Variants in RBMS3 observed in about 807,000 individuals in gnomAD.
RBMS3 encodes the protein RNA-binding motif, single-stranded-interacting protein 3.
RBMS3 carries 27 observed loss-of-function variants against 66.8 expected under a neutral mutation model. The ratio of observed to expected loss-of-function variants is 0.40; its 90% CI spans 0.30 to 0.56. The LOEUF is 0.56. RBMS3 is among the 20% of genes least tolerant of loss of function. RBMS3 has a pLI of 0.40. For synonymous variants in RBMS3, 188 were observed against 183.0 expected, an observed-to-expected ratio of 1.03 and a Z score of -0.22; for missense variants, 513 against 549.5, an observed-to-expected ratio of 0.93 and a Z score of 0.66.
intron 1 of RBMS3, among the ~76,000 whole-genome samples, chr3:29,362,613 C>G (rs144938955): frequency 0.01 from 1,524 of 152,260 alleles, 29 homozygotes; most frequent in African/African-American, 0.034. Context: ...TTCTGCGTCA[C>G]TCACACTGGG....
intron 4 of RBMS3, among the ~76,000 whole-genome samples, chr3:29,595,363 C>T (rs149685027): frequency 0.014 from 1,985 of 146,424 alleles, 33 homozygotes; most frequent in African/African-American, 0.04. Context: ...CGCACCATTG[C>T]ACTCCAGCCT....
Position 29,980,398 on chromosome 3 carries a change from T to A in RBMS3, c.1099-7745T>A, listed in dbSNP as rs1697906172. On this transcript the variant is annotated intron_variant, in intron 12 of 14. Coordinates refer to ENST00000383767, the MANE Select transcript of RBMS3 (RefSeq NM_001003793.3). Reference sequence around the variant, plus strand: ...TCTGTAGGTCGCGTGTTCACTCTGATGATAGTTTCTTTTGCTGTGCAGAAA... The same window carrying A: ...TCTGTAGGTCGCGTGTTCACTCTGAAGATAGTTTCTTTTGCTGTGCAGAAA... Among the ~76,000 whole-genome samples, 4 of 152,242 alleles carry A rather than the reference T, an allele frequency of 2.6e-5. No individual in the cohort carries two copies. The South Asian group carries it at 8.3e-4, about 31-fold the overall frequency.
chr3:29,336,029 A>G (rs775420452), intron 1 of RBMS3, among the ~76,000 whole-genome samples: 7 of 152,160 alleles, frequency 4.6e-5, no homozygotes, highest in African/African-American at 1.7e-4. Context: ...GTTTTTCTTA[A>G]CAAAGGAAAA....
intron 2 of RBMS3, among the ~76,000 whole-genome samples, chr3:29,449,355 C>T (rs765510028): frequency 2.0e-5 from 3 of 152,142 alleles, no homozygotes; most frequent in South Asian, 2.1e-4. Flanking sequence ...GCAAGAAAAT[C>T]TACTCAGACA....
chr3:29,542,519 C>T (rs899176410), intron 3 of RBMS3, among the ~76,000 whole-genome samples: 3 of 152,160 alleles, frequency 2.0e-5, no homozygotes, highest in Admixed American at 2.0e-4. Context: ...TGCCGTCACA[C>T]CTGGCTACTT....
chr3:29,376,949 C>T (rs886116293), intron 1 of RBMS3, among the ~76,000 whole-genome samples: 2 of 151,878 alleles, frequency 1.3e-5, no homozygotes, highest in Admixed American at 1.3e-4. Flanking sequence ...ATTAGCCGGA[C>T]GTGGTGGCGG....
Position 29,900,104 on chromosome 3 carries a change from G to C in RBMS3, c.939+349G>C, listed in dbSNP as rs1230387451. On this transcript the variant is annotated intron_variant, in intron 10 of 14. Transcript: ENST00000383767. Reference sequence around the variant, plus strand: ...AATTTCTGCTTTATGCAGGAACTCAGAACTCCGGACAATTAAATTTATTCT... The same window carrying C: ...AATTTCTGCTTTATGCAGGAACTCACAACTCCGGACAATTAAATTTATTCT... Among the ~76,000 whole-genome samples, 3 of 151,706 alleles carry C rather than the reference G, an allele frequency of 2.0e-5. No homozygotes were observed. The East Asian group carries it at 5.8e-4, about 30-fold the overall frequency.
At chr3:29,355,111 C>T (rs937782004) in intron 1 of RBMS3, among the ~76,000 whole-genome samples, 13 of 152,070 alleles carry the variant, frequency 8.5e-5, no homozygotes, top group African/African-American at 2.4e-4. Flanking sequence ...ATTCATCCTG[C>T]TGTAATTATT....
chr3:29,485,866 A>C (rs2043299625), intron 2 of RBMS3, among the ~76,000 whole-genome samples: 1 of 152,178 alleles, frequency 6.6e-6, no homozygotes, highest in African/African-American at 2.4e-5. Context: ...TGGGTGGCAT[A>C]GTTGAAGAAA....
chr3:29,620,691 A>C (rs1000519194), intron 4 of RBMS3, among the ~76,000 whole-genome samples: 16 of 152,120 alleles, frequency 1.1e-4, no homozygotes, highest in African/African-American at 3.4e-4. Flanking sequence ...TCCTCTAAAG[A>C]AATTTCACTT....
chr3:29,917,692 C>G (rs906968910), intron 10 of RBMS3, among the ~76,000 whole-genome samples: 1 of 152,056 alleles, frequency 6.6e-6, no homozygotes, highest in Admixed American at 6.6e-5. Context: ...TCCCACTAAA[C>G]TAATAGTGGA....
In RBMS3 at chr3:29,638,149, C is replaced by A. The variant is rs1193102978; in HGVS notation, c.399+50944C>A. Reference sequence around the variant, plus strand: ...GCACAGGAAGACACGTCCCCCTATCCCCACCAAATAAGAAGACATCAGAGC... The same window carrying A: ...GCACAGGAAGACACGTCCCCCTATCACCACCAAATAAGAAGACATCAGAGC... On this transcript the variant is annotated intron_variant, in intron 4 of 14. Coordinates refer to ENST00000383767, the MANE Select transcript of RBMS3 (RefSeq NM_001003793.3). Among the ~76,000 whole-genome samples the A allele has an allele frequency of 4.6e-5, 7 of 151,730 alleles. No homozygotes were observed. In the East Asian group the frequency reaches 1.4e-3, roughly 29 times the overall value.
chr3:29,346,726 A>G (rs1386195211), intron 1 of RBMS3, among the ~76,000 whole-genome samples: 2 of 152,086 alleles, frequency 1.3e-5, no homozygotes, highest in African/African-American at 4.8e-5. Context: ...GAAAACCTGA[A>G]CTATCATGGA....
At chr3:29,526,884 C>A (rs865899848) in intron 3 of RBMS3, among the ~76,000 whole-genome samples, 97 of 79,612 alleles carry the variant, frequency 1.2e-3, no homozygotes, top group African/African-American at 7.0e-3. Flanking sequence ...CTTCCCTCAC[C>A]CCTCCCTTTA....
intron 4 of RBMS3, among the ~76,000 whole-genome samples, chr3:29,607,642 AT>A (rs757854728): frequency 6.6e-6 from 1 of 151,892 alleles, no homozygotes; most frequent in Non-Finnish European, 1.5e-5. Context: ...AAATCTCTGA[AT>A]TTGATTTTTT....
chr3:29,565,252 G>C (rs2046700633), intron 3 of RBMS3, among the ~76,000 whole-genome samples: 1 of 152,130 alleles, frequency 6.6e-6, no homozygotes, highest in African/African-American at 2.4e-5. Flanking sequence ...CAGTGTAAAG[G>C]AGAGCTCTCA....
intron 3 of RBMS3, among the ~76,000 whole-genome samples, chr3:29,512,313 A>G (rs1415735937): frequency 6.6e-6 from 1 of 152,116 alleles, no homozygotes; most frequent in Non-Finnish European, 1.5e-5. Context: ...GGTTTTAAAA[A>G]CAGTAATTTA....
In RBMS3 at chr3:29,505,467, G is replaced by A. The variant is rs111992651; in HGVS notation, c.307+16968G>A. On this transcript the variant is annotated intron_variant, in intron 3 of 14. Coordinates refer to ENST00000383767, the MANE Select transcript of RBMS3 (RefSeq NM_001003793.3). ...CTCTGTTTATTATTGTAGCTTTGTA[G>A]TGTATTTTGAAGTCATGTAGTGTGA... 1.5e-3 allele frequency among the ~76,000 whole-genome samples: 224 copies of A among 147,632 alleles called. 4 individuals carry two copies. Among genetic ancestry groups the A allele is most frequent in the African/African-American group, 5.4e-3 (218 of 40,302 alleles).
chr3:29,899,274 T>A (rs2060197592), intron 9 of RBMS3, among the ~76,000 whole-genome samples: 1 of 151,864 alleles, frequency 6.6e-6, no homozygotes, highest in South Asian at 2.1e-4. Flanking sequence ...GACATATTTC[T>A]AAAATGGGAT....
Sources: allele counts gnomAD v4.1 joint callset (sites outside exome capture counted in the v4.1 genomes callset), GRCh38; gene constraint gnomAD v4.1.1; transcripts MANE v1.5; gene names NCBI Gene and HGNC (gene_info 2026-07-23, HGNC 2026-07-21).